ARHGAP39: variants seen among roughly 807,000 people sequenced by gnomAD.
ARHGAP39 encodes Rho GTPase activating protein 39, also known as rho GTPase-activating protein 39.
A neutral mutation model predicts 106.9 loss-of-function variants in ARHGAP39; 44 were observed. The ratio of observed to expected loss-of-function variants is 0.41; its 90% CI spans 0.32 to 0.53. ARHGAP39 has a LOEUF of 0.53. Among genes scored for constraint, ARHGAP39 ranks in the 20% least tolerant of loss-of-function variants. ARHGAP39 has a pLI of 0.21. For synonymous variants in ARHGAP39, 768 were observed against 693.2 expected, an observed-to-expected ratio of 1.11 and a Z score of -1.69; for missense variants, 1,496 against 1,577.3, an observed-to-expected ratio of 0.95 and a Z score of 0.87.
At chr8:144,567,216 C>G (rs960015012) in intron 3 of ARHGAP39, among the ~76,000 whole-genome samples, 3 of 152,208 alleles carry the variant, frequency 2.0e-5, no homozygotes, top group Non-Finnish European at 4.4e-5. Flanking sequence ...AGCAATTACT[C>G]TTTATTCCAA....
At chr8:144,566,277 A>C (rs900252432) in intron 3 of ARHGAP39, among the ~76,000 whole-genome samples, 1 of 152,138 alleles carries the variant, frequency 6.6e-6, no homozygotes, top group Non-Finnish European at 1.5e-5. Flanking sequence ...AAAATAAAGG[A>C]GCTAGAGCCA....
At chr8:144,682,575 T>C (rs1439991626) in intron 1 of ARHGAP39, among the ~76,000 whole-genome samples, 1 of 151,598 alleles carries the variant, frequency 6.6e-6, no homozygotes, top group Non-Finnish European at 1.5e-5. Flanking sequence ...AAAAAATTCT[T>C]ACTTCTCACA....
intron 1 of ARHGAP39, among the ~76,000 whole-genome samples, chr8:144,685,375 G>A (rs559495932): frequency 2.0e-5 from 3 of 151,686 alleles, no homozygotes; most frequent in African/African-American, 7.2e-5. Context: ...ACTTCGGGCC[G>A]GGCACACGCG....
chr8:144,651,891 C>T (rs561361632), intron 1 of ARHGAP39, among the ~76,000 whole-genome samples: 1 of 152,070 alleles, frequency 6.6e-6, no homozygotes, highest in African/African-American at 2.4e-5. Context: ...GAACGAATGG[C>T]AAACCCTTAC....
At position 144,627,860 on chromosome 8, in the gene ARHGAP39, C is replaced by T. The variant is rs1053088849; in HGVS notation, c.-81-22165G>A. On this transcript the variant is annotated intron_variant, in intron 1 of 11. Coordinates refer to ENST00000377307, the MANE Select transcript of ARHGAP39 (RefSeq NM_025251.3). ...CTGCACCCTGGACCCCTTGCCCTCC[C>T]AGTCACAGCAGTGCTCTGCCAGGCA... Among the ~76,000 whole-genome samples the T allele has an allele frequency of 4.5e-4, 68 of 152,256 alleles. 1 individual carries two copies. Among genetic ancestry groups the T allele is most frequent in the Admixed American group, 4.4e-3 (67 of 15,292 alleles).
Position 144,547,730 on chromosome 8 carries a change from C to T in ARHGAP39, c.1356G>A (p.Glu452=). Residue 452 remains glutamate (E), a synonymous_variant, in exon 5 of 12, where the codon GAG becomes GAA. Transcript: ENST00000377307. This position sits in a 1 kb window ranked among gnomAD's most constrained non-coding sequence, Gnocchi z 5.2. ...GVKSGDYSTM[E]GPELRHSQPP... ...GCTGGCTGTGCCGCAGCTCAGGTCC[C>T]TCCATGGTGCTGTAGTCTCCGGACT... The T allele has an allele frequency of 6.3e-7, 1 of 1,596,348 alleles. No individual in the cohort carries two copies. Among genetic ancestry groups the T allele is most frequent in the Non-Finnish European group, 8.5e-7 (1 of 1,176,908 alleles).
chr8:144,593,324 C>T (rs1353809781), intron 2 of ARHGAP39, among the ~76,000 whole-genome samples: 4 of 152,136 alleles, frequency 2.6e-5, no homozygotes, highest in African/African-American at 9.7e-5. Flanking sequence ...GGTGTCGAGA[C>T]CACTCCATCG....
intron 1 of ARHGAP39, among the ~76,000 whole-genome samples, chr8:144,618,569 G>A (rs1820699525): frequency 6.6e-6 from 1 of 152,260 alleles, no homozygotes; most frequent in African/African-American, 2.4e-5. Context: ...GGCGCGAGCA[G>A]GCAGGCAGAG....
Position 144,670,660 on chromosome 8 carries a change from T to G in ARHGAP39, c.-82+15026A>C, listed in dbSNP as rs1822079032. On this transcript the variant is annotated intron_variant, in intron 1 of 11. Coordinates refer to ENST00000377307, the MANE Select transcript of ARHGAP39 (RefSeq NM_025251.3). The surrounding 1 kb of genome is among the most constrained non-coding windows in gnomAD (Gnocchi z 4.4). ...ACCCCAGGGCTGCCACATGAGCTGA[T>G]CCCCACCATCTTCTCCTGCAGGCCC... is the stretch of plus-strand genomic sequence containing the variant. 1.3e-5 allele frequency among the ~76,000 whole-genome samples: 2 copies of G among 152,026 alleles called. No homozygotes were observed. The highest frequency in any genetic ancestry group is 6.6e-5 in the Admixed American group (1 of 15,264).
chr8:144,697,362 A>G, the ARHGAP39 span, among the ~76,000 whole-genome samples: 1 of 151,580 alleles, frequency 6.6e-6, no homozygotes, highest in East Asian at 1.9e-4. Flanking sequence ...CGTTCTATAA[A>G]TGATGCTTGT....
At position 144,532,317 on chromosome 8, in the gene ARHGAP39, G is replaced by C; in HGVS notation, c.2968C>G (p.Pro990Ala). 1 of 1,612,808 alleles carries C rather than the reference G, an allele frequency of 6.2e-7. No individual in the cohort carries two copies. The change falls in exon 10 of 12, where the codon CCC (proline) becomes GCC (alanine). Residue 990 changes from proline (P) to alanine (A), a missense_variant. Around this residue, in one of 4 missense-constraint regions of ARHGAP39, gnomAD observed 470 missense variants for 605.1 expected, o/e 0.78. Coordinates refer to ENST00000377307, the MANE Select transcript of ARHGAP39 (RefSeq NM_025251.3). Reference sequence around the variant, plus strand: ...GTGGGGGACTCACCAGGGACGTGGGGGTCTTCCAGGCCTGTGGGCACCTTC... The same window carrying C: ...GTGGGGGACTCACCAGGGACGTGGGCGTCTTCCAGGCCTGTGGGCACCTTC... ...QWKVPTGLED[P>A]HVPASLLKLW...
chr8:144,671,397 C>T lies in ARHGAP39; in HGVS notation c.-82+14289G>A, dbSNP rs911271303. Among the ~76,000 whole-genome samples the T allele has an allele frequency of 6.6e-6, 1 of 152,260 alleles. No individual in the cohort carries two copies. The stretch of plus-strand genomic sequence containing the variant: ...AAAGAAGCTATTGCCAACCCTTTCA[C>T]TCTTCCTAACTGCATGCTGACTCGG... On this transcript the variant is annotated intron_variant, in intron 1 of 11. Coordinates refer to ENST00000377307, the MANE Select transcript of ARHGAP39 (RefSeq NM_025251.3). This position sits in a 1 kb window ranked among gnomAD's most constrained non-coding sequence, Gnocchi z 4.5.
chr8:144,617,482 G>A (rs1453649330), intron 1 of ARHGAP39, among the ~76,000 whole-genome samples: 3 of 151,196 alleles, frequency 2.0e-5, no homozygotes, highest in Non-Finnish European at 4.4e-5. Flanking sequence ...AGCACCCAGC[G>A]CCGCAAACCA....
Position 144,581,208 on chromosome 8 carries a change from C to A in ARHGAP39, c.150G>T (p.Glu50Asp), listed in dbSNP as rs1264794314. Reference protein sequence around the residue: ...ERMYANLVTGECVWDPPAGVR... With the variant: ...ERMYANLVTGDCVWDPPAGVR... Reference sequence around the variant, plus strand: ...CGCCGGCCGGCGGGTCCCACACGCACTCACCGGTGACCAGGTTGGCGTACA... The same window carrying A: ...CGCCGGCCGGCGGGTCCCACACGCAATCACCGGTGACCAGGTTGGCGTACA... The change falls in exon 3 of 12, where the codon GAG becomes GAT. Residue 50 changes from glutamate to aspartate, a missense_variant. Transcript: ENST00000377307. 2 of 1,556,854 alleles carry A rather than the reference C, an allele frequency of 1.3e-6. No homozygotes were observed. Among genetic ancestry groups the A allele is most frequent in the Non-Finnish European group, 1.7e-6 (2 of 1,151,014 alleles).
In ARHGAP39 at chr8:144,604,741, T is replaced by C. The variant is rs1820218492; in HGVS notation, c.80+794A>G. 6.6e-6 allele frequency among the ~76,000 whole-genome samples: 1 copy of C among 152,172 alleles called. No homozygotes were observed. The highest frequency in any genetic ancestry group is 1.5e-5 in the Non-Finnish European group (1 of 68,030). On this transcript the variant is annotated intron_variant, in intron 2 of 11. Transcript: ENST00000377307. The surrounding 1 kb of genome is among the most constrained non-coding windows in gnomAD (Gnocchi z 4.1). The stretch of plus-strand genomic sequence containing the variant: ...GAGCTGACCTGGAGGCATGGGACAC[T>C]GGCTGAGACGGGACAGGGCCAGATT...
chr8:144,635,384 T>G (rs1032229091), intron 1 of ARHGAP39, among the ~76,000 whole-genome samples: 1 of 152,084 alleles, frequency 6.6e-6, no homozygotes, highest in Admixed American at 6.5e-5. Context: ...GCTGAACACA[T>G]GGGGGGAGGT....
At chr8:144,668,072 G>A (rs1342965765) in intron 1 of ARHGAP39, among the ~76,000 whole-genome samples, 1 of 150,796 alleles carries the variant, frequency 6.6e-6, no homozygotes, top group East Asian at 1.9e-4. Flanking sequence ...TGAATTCTTG[G>A]TCCCCTAAAA....
chr8:144,613,851 C>A (rs910334000), intron 1 of ARHGAP39, among the ~76,000 whole-genome samples: 1 of 152,220 alleles, frequency 6.6e-6, no homozygotes, highest in African/African-American at 2.4e-5. Context: ...TCAAACAATT[C>A]TTCTGTCCCT....
chr8:144,669,299 G>C (rs1822038628), intron 1 of ARHGAP39, among the ~76,000 whole-genome samples: 1 of 143,796 alleles, frequency 7.0e-6, no homozygotes, highest in South Asian at 2.3e-4. Flanking sequence ...GAGGTCAGGA[G>C]ATTTTAGACC....
Sources: allele counts gnomAD v4.1 joint callset (sites outside exome capture counted in the v4.1 genomes callset), GRCh38; gene constraint gnomAD v4.1.1; regional missense constraint gnomAD v4.1.1; non-coding constraint Gnocchi (gnomAD v3.1); transcripts MANE v1.5; gene names NCBI Gene and HGNC (gene_info 2026-07-23, HGNC 2026-07-21).